The following SLC16A14 variants were observed in gnomAD, a reference collection of about 807,000 sequenced individuals.
SLC16A14 encodes the protein monocarboxylate transporter 14.
Under a neutral mutation model 35.8 loss-of-function variants are expected in SLC16A14, and 14 were observed. The ratio of observed to expected loss-of-function variants is 0.39; its 90% CI spans 0.26 to 0.61. The LOEUF (loss-of-function observed/expected upper bound fraction) is 0.61, where lower values mean the gene tolerates loss of function less well. SLC16A14 is among the 20% of genes least tolerant of loss of function. SLC16A14 has a pLI of 0.51. For synonymous variants in SLC16A14, 248 were observed against 258.9 expected (o/e 0.96, Z 0.40); for missense variants, 533 against 655.0 (o/e 0.81, Z 2.03).
At chr2:230,054,049 C>T (rs112132338) in intron 2 of SLC16A14, among the ~76,000 whole-genome samples, 2 of 150,390 alleles carry the variant, frequency 1.3e-5, no homozygotes, top group Non-Finnish European at 3.0e-5. Context: ...AAAAAAAAAT[C>T]CTGATACTTG....
At chr2:230,052,037 C>T (rs966721422) in intron 2 of SLC16A14, among the ~76,000 whole-genome samples, 15 of 151,430 alleles carry the variant, frequency 9.9e-5, no homozygotes, top group South Asian at 2.1e-4. Context: ...CCCGGGTTCG[C>T]GCCATTCTCC....
chr2:230,050,059 T>C (rs1188185326), intron 2 of SLC16A14, among the ~76,000 whole-genome samples, 155 bp from the exon 3 acceptor site: 1 of 152,236 alleles, frequency 6.6e-6, no homozygotes, highest in Non-Finnish European at 1.5e-5. Context: ...ATTTTTAGCA[T>C]GCAAAGATGA....
chr2:230,063,758 G>C (rs904180812), intron 1 of SLC16A14, among the ~76,000 whole-genome samples: 6 of 152,160 alleles, frequency 3.9e-5, no homozygotes, highest in African/African-American at 1.4e-4. Flanking sequence ...TTTGAATGAT[G>C]GTCTTACCAG....
Position 230,037,407 on chromosome 2 carries a change from TC to T in SLC16A14, c.1505del (p.Arg502LysfsTer13). On this transcript the variant is annotated frameshift_variant, in exon 5 of 5. Coordinates refer to ENST00000295190, the MANE Select transcript of SLC16A14 (RefSeq NM_152527.5). LOFTEE classifies it high-confidence loss of function. Reference sequence around the variant, plus strand: ...AAACATGTGCACCATCCATGTATTTTCTTCTGGATTGTTCTATAATTCGAAT... The same window carrying T: ...AAACATGTGCACCATCCATGTATTTTTTCTGGATTGTTCTATAATTCGAAT... ...PCIRIIEQSR[R>X]KYMDGAHV is the part of the protein sequence containing the mutation. 6.2e-7 allele frequency: 1 copy of T among 1,609,932 alleles called. No homozygotes were observed. Among genetic ancestry groups the T allele is most frequent in the Non-Finnish European group, 8.5e-7 (1 of 1,178,974 alleles).
chr2:230,046,479 T>C lies in SLC16A14; in HGVS notation c.647A>G (p.Lys216Arg). The C allele has an allele frequency of 6.2e-7, 1 of 1,614,182 alleles. No individual in the cohort carries two copies. The highest frequency in any genetic ancestry group is 1.1e-5 in the South Asian group (1 of 91,084). Residue 216 changes from lysine to arginine, a missense_variant, in exon 4 of 5, where the codon AAA becomes AGA. Lys to Arg is a conservative substitution (Grantham distance 26, BLOSUM62 2). Coordinates refer to ENST00000295190, the MANE Select transcript of SLC16A14 (RefSeq NM_152527.5). The surrounding 1 kb of genome is among the most constrained non-coding windows in gnomAD (Gnocchi z 5.0). The part of the protein sequence containing the change: ...GALMRPLSPG[K>R]NPNDPGEKDV... ...TTTCTCTCCTGGGTCGTTTGGGTTT[T>C]TACCAGGAGAGAGGGGCCTCATGAG...
intron 1 of SLC16A14, chr2:230,067,269 C>T (rs959418244): frequency 6.6e-6 from 1 of 152,524 alleles, no homozygotes; most frequent in Admixed American, 6.5e-5. Flanking sequence ...AAAAACAGAA[C>T]CGAAAAATTC....
chr2:230,042,035 A>G (rs1460232667), intron 4 of SLC16A14, among the ~76,000 whole-genome samples: 3 of 152,252 alleles, frequency 2.0e-5, no homozygotes, highest in Non-Finnish European at 2.9e-5. Context: ...CATGAATTCA[A>G]TGGAAGATGA....
chr2:230,043,084 T>C (rs1342287382), intron 4 of SLC16A14, among the ~76,000 whole-genome samples: 3 of 152,238 alleles, frequency 2.0e-5, no homozygotes, highest in Non-Finnish European at 4.4e-5. Flanking sequence ...GAATTTTACA[T>C]AATGAGATCA....
In SLC16A14 at chr2:230,046,866, T is replaced by A; in HGVS notation, c.404-144A>T. On this transcript the variant is annotated intron_variant, in intron 3 of 4. Transcript: ENST00000295190. This position sits in a 1 kb window ranked among gnomAD's most constrained non-coding sequence, Gnocchi z 5.0. ...TAACAAAGCAATAACACTGATTATT[T>A]AAAAAGCAGCTCCCAGGGATAAGCA... 9.7e-7 allele frequency: 1 copy of A among 1,029,100 alleles called. No individual in the cohort carries two copies. Among genetic ancestry groups the A allele is most frequent in the Non-Finnish European group, 1.3e-6 (1 of 750,052 alleles). The allele number at this position is 1,029,100 out of a possible 1,614,324, so 63.7% of individuals were successfully genotyped here.
chr2:230,055,951 C>T lies in SLC16A14; in HGVS notation c.259+3143G>A, dbSNP rs151095574. ...TTGAGAAAAGTAGAATTACAACTGA[C>T]GTAAAACTTGAAGCCCGACACTGAA... On this transcript the variant is annotated intron_variant, in intron 2 of 4. Coordinates refer to ENST00000295190, the MANE Select transcript of SLC16A14 (RefSeq NM_152527.5). Among the ~76,000 whole-genome samples the T allele has an allele frequency of 2.5e-4, 38 of 152,272 alleles. 1 individual carries two copies. The highest frequency in any genetic ancestry group is 1.2e-3 in the Admixed American group (19 of 15,300).
chr2:230,059,017 A>G (rs947480261), intron 2 of SLC16A14, 77 bp downstream of exon 2: 2 of 1,508,712 alleles, frequency 1.3e-6, no homozygotes, highest in African/African-American at 2.8e-5. Context: ...TGTTACAACA[A>G]TATAAAACAT....
In SLC16A14 at chr2:230,038,862, G is replaced by A. The variant is rs544192062; in HGVS notation, c.1382-1331C>T. On this transcript the variant is annotated intron_variant, in intron 4 of 4. Transcript: ENST00000295190. The surrounding 1 kb of genome is among the most constrained non-coding windows in gnomAD (Gnocchi z 4.4). Reference sequence around the variant, plus strand: ...GCAGAGGTTGCAGTGAGCTGAGATCGTGCCACCGCACTCCAGCCTGGGCAA... The same window carrying A: ...GCAGAGGTTGCAGTGAGCTGAGATCATGCCACCGCACTCCAGCCTGGGCAA... 3.3e-5 allele frequency among the ~76,000 whole-genome samples: 5 copies of A among 152,194 alleles called. No individual in the cohort carries two copies. Among genetic ancestry groups the A allele is most frequent in the African/African-American group, 9.6e-5 (4 of 41,508 alleles).
intron 1 of SLC16A14, among the ~76,000 whole-genome samples, chr2:230,060,228 ACAT>A (rs928167998): frequency 2.9e-4 from 44 of 152,344 alleles, no homozygotes; most frequent in African/African-American, 1.0e-3. Context: ...TTTATCTTGT[ACAT>A]AATGAACAGC....
rs778022803 is a variant in SLC16A14 at position 230,059,265 on chromosome 2, C to T, written c.88G>A (p.Gly30Ser). 2.5e-6 allele frequency: 4 copies of T among 1,614,044 alleles called. No homozygotes were observed. Among genetic ancestry groups the T allele is most frequent in the Non-Finnish European group, 3.4e-6 (4 of 1,179,952 alleles). Residue 30 changes from glycine to serine, a missense_variant, in exon 2 of 5, where the codon GGC (glycine) becomes AGC (serine). Gly to Ser is a moderately conservative substitution (Grantham distance 56, BLOSUM62 0). Coordinates refer to ENST00000295190, the MANE Select transcript of SLC16A14 (RefSeq NM_152527.5). ...AGCACCATCATCCAAGCCCATCCGC[C>T]ATCAATGTTTGGGTGGGGCTTCAGT... ...KTLKPHPNID[G>S]GWAWMMVLSS...
rs1003594466 is a variant in SLC16A14 at position 230,046,826 on chromosome 2, T to G, written c.404-104A>C. 1.5e-6 allele frequency: 2 copies of G among 1,294,728 alleles called. No individual in the cohort carries two copies. The highest frequency in any genetic ancestry group is 3.0e-5 in the African/African-American group (2 of 67,310). 80.2% of individuals were successfully genotyped at this position (1,294,728 alleles called of 1,614,324 possible). On this transcript the variant is annotated intron_variant, in intron 3 of 4. Transcript: ENST00000295190. The surrounding 1 kb of genome is among the most constrained non-coding windows in gnomAD (Gnocchi z 5.0). ...TGCATTTCCTTAATTAGCATCTATT[T>G]ATGCTTTTTATTTCTAACAAAGCAA...
chr2:230,040,415 G>T (rs187537216), intron 4 of SLC16A14, among the ~76,000 whole-genome samples: 38 of 152,142 alleles, frequency 2.5e-4, no homozygotes, highest in African/African-American at 9.2e-4. Context: ...TAGAGACAGG[G>T]TTTCCCCATG....
At position 230,036,214 on chromosome 2, in the gene SLC16A14, A is replaced by G. The variant is rs539511112; in HGVS notation, c.*1166T>C. 1.2e-4 allele frequency: 18 copies of G among 152,774 alleles called. No homozygotes were observed. The highest frequency in any genetic ancestry group is 4.3e-4 in the African/African-American group (18 of 41,580). The allele number at this position is 152,774 out of a possible 1,614,324, so 9.5% of individuals were successfully genotyped here. On this transcript the variant is annotated 3_prime_UTR_variant, in exon 5 of 5. Coordinates refer to ENST00000295190, the MANE Select transcript of SLC16A14 (RefSeq NM_152527.5). The stretch of plus-strand genomic sequence containing the variant: ...TGGCTTAGAAAAATAGACATCTCAG[A>G]TAAAGAAAGGGCATTATTAGATGTC...
chr2:230,041,420 T>C (rs2077559266), intron 4 of SLC16A14, among the ~76,000 whole-genome samples: 2 of 152,200 alleles, frequency 1.3e-5, no homozygotes, highest in East Asian at 3.8e-4. Flanking sequence ...TGATCTCAGC[T>C]CACTGTAACC....
chr2:230,065,882 C>T (rs2077791359), intron 1 of SLC16A14, among the ~76,000 whole-genome samples: 1 of 152,122 alleles, frequency 6.6e-6, no homozygotes. Flanking sequence ...TACCCCTAGG[C>T]TCCATGTCTT....
Sources: allele counts gnomAD v4.1 joint callset (sites outside exome capture counted in the v4.1 genomes callset), GRCh38; gene constraint gnomAD v4.1.1; non-coding constraint Gnocchi (gnomAD v3.1); transcripts MANE v1.5; gene names NCBI Gene and HGNC (gene_info 2026-07-23, HGNC 2026-07-21).